The following OXR1 variants were observed in gnomAD, a reference collection of about 807,000 sequenced individuals.
The protein encoded by OXR1 is oxidation resistance protein 1.
Under a neutral mutation model 104.6 loss-of-function variants are expected in OXR1, and 41 were observed. The observed-to-expected ratio is 0.39, with a 90% CI of 0.31 to 0.51. The LOEUF (loss-of-function observed/expected upper bound fraction) is 0.51. Among genes scored for constraint, OXR1 ranks in the 20% least tolerant of loss-of-function variants. The pLI is 0.77. For synonymous variants in OXR1, 348 were observed against 348.4 expected (o/e 1.00, Z 0.01); for missense variants, 955 against 1,031.9 (o/e 0.93, Z 1.02).
At chr8:106,620,983 A>C (rs1284287773) in intron 3 of OXR1, among the ~76,000 whole-genome samples, 1 of 152,218 alleles carries the variant, frequency 6.6e-6, no homozygotes, top group Admixed American at 6.5e-5. Flanking sequence ...TAAATAATTC[A>C]TTCCAAATTA....
At chr8:106,363,786 G>T (rs1053219535) in intron 2 of OXR1, among the ~76,000 whole-genome samples, 1 of 152,086 alleles carries the variant, frequency 6.6e-6, no homozygotes, top group Non-Finnish European at 1.5e-5. Flanking sequence ...TTTCTGCTGT[G>T]GGGAAAATTA....
intron 2 of OXR1, 113 bp from the exon 3 acceptor site, chr8:106,518,829 TG>T: frequency 1.5e-6 from 1 of 647,384 alleles, no homozygotes; most frequent in Non-Finnish European, 2.6e-6. Flanking sequence ...TCTGAATAGA[TG>T]TGGTTCTATC....
rs1033451106 is a variant in OXR1, at chr8:106,464,521, AT to A, written c.24-54413del. Reference sequence around the variant, plus strand: ...TTCATTTCCTGACTTCTATTATGGTATTTTTTTTTCTCTTCCTCCTTGAGTG... The same window carrying A: ...TTCATTTCCTGACTTCTATTATGGTATTTTTTTTCTCTTCCTCCTTGAGTG... On this transcript the variant is annotated intron_variant, in intron 2 of 16. Coordinates refer to ENST00000517566, the MANE Select transcript of OXR1 (RefSeq NM_001198533.2). 4.0e-5 allele frequency among the ~76,000 whole-genome samples: 6 copies of A among 151,522 alleles called. No homozygotes were observed. The South Asian group carries it at 1.3e-3, about 32-fold the overall frequency.
chr8:106,538,577 G>A (rs1357470240), intron 3 of OXR1, among the ~76,000 whole-genome samples: 1 of 151,980 alleles, frequency 6.6e-6, no homozygotes, highest in South Asian at 2.1e-4. Context: ...ATCACATTTT[G>A]TTGTTTTGCA....
At chr8:106,616,486 A>G (rs1821251502) in intron 3 of OXR1, among the ~76,000 whole-genome samples, 1 of 152,096 alleles carries the variant, frequency 6.6e-6, no homozygotes, top group Admixed American at 6.6e-5. Flanking sequence ...GTTTGTATTG[A>G]ATACAAATGT....
At chr8:106,473,339 T>A (rs79417459) in intron 2 of OXR1, among the ~76,000 whole-genome samples, 2,307 of 151,992 alleles carry the variant, frequency 0.015, 25 homozygotes, top group Non-Finnish European at 0.024. Flanking sequence ...TCACACAACA[T>A]CAGCCTTTCT....
At chr8:106,333,772 GAT>G (rs1814837003) in intron 1 of OXR1, among the ~76,000 whole-genome samples, 1 of 152,014 alleles carries the variant, frequency 6.6e-6, no homozygotes, top group African/African-American at 2.4e-5. Flanking sequence ...ATTGACCATG[GAT>G]ATATGAGTTT....
At chr8:106,705,941 G>T (rs980995076) in intron 8 of OXR1, among the ~76,000 whole-genome samples, 4 of 152,126 alleles carry the variant, frequency 2.6e-5, no homozygotes, top group African/African-American at 9.7e-5. Flanking sequence ...CACTGTGTGT[G>T]TGTGTATATC....
At chr8:106,516,109 G>A (rs1812841312) in intron 2 of OXR1, among the ~76,000 whole-genome samples, 1 of 151,866 alleles carries the variant, frequency 6.6e-6, no homozygotes, top group Non-Finnish European at 1.5e-5. Flanking sequence ...CAGCCATTGT[G>A]CCCTCCCTGC....
At chr8:106,702,640 G>GT (rs1177768201) in intron 7 of OXR1, among the ~76,000 whole-genome samples, 1 of 152,098 alleles carries the variant, frequency 6.6e-6, no homozygotes, top group African/African-American at 2.4e-5. Context: ...CTGATATGAG[G>GT]TAACTCAGTA....
chr8:106,573,675 G>A (rs151005074), intron 3 of OXR1, among the ~76,000 whole-genome samples: 8 of 152,188 alleles, frequency 5.3e-5, no homozygotes, highest in Non-Finnish European at 1.0e-4. Context: ...CTCTAAGAAG[G>A]GACTGTAGTG....
chr8:106,646,854 C>T (rs929360627), intron 3 of OXR1, among the ~76,000 whole-genome samples: 1 of 152,170 alleles, frequency 6.6e-6, no homozygotes, highest in African/African-American at 2.4e-5. Context: ...AGCTATTGTT[C>T]CTCAAGGTTT....
intron 3 of OXR1, among the ~76,000 whole-genome samples, chr8:106,673,110 C>T (rs371954341): frequency 1.3e-5 from 2 of 152,144 alleles, no homozygotes; most frequent in East Asian, 3.9e-4. Context: ...GTTTGGAGGG[C>T]TCAGAAGAAG....
intron 2 of OXR1, among the ~76,000 whole-genome samples, chr8:106,487,425 T>G (rs1563555051): frequency 6.7e-6 from 1 of 148,858 alleles, no homozygotes; most frequent in Admixed American, 6.7e-5. Flanking sequence ...ATGTGATATT[T>G]TGTTTTTTTT....
chr8:106,698,327 A>G (rs1037468084), intron 7 of OXR1, among the ~76,000 whole-genome samples: 1 of 152,042 alleles, frequency 6.6e-6, no homozygotes, highest in Non-Finnish European at 1.5e-5. Flanking sequence ...AAGATGTTCT[A>G]TTTATCACTG....
chr8:106,409,253 TGTG>T (rs1206264385), intron 2 of OXR1, among the ~76,000 whole-genome samples: 3 of 151,990 alleles, frequency 2.0e-5, no homozygotes, highest in Non-Finnish European at 4.4e-5. Context: ...TATTCTGTGG[TGTG>T]GTGTTTGTGG....
chr8:106,739,359 T>C (rs1460974651), intron 12 of OXR1, 99 bp from the exon 13 acceptor site: 1 of 1,089,466 alleles, frequency 9.2e-7, no homozygotes, highest in South Asian at 1.5e-5. Context: ...TTTAGCCACA[T>C]TTTCTACGAT....
At chr8:106,437,853 A>T (rs980261230) in intron 2 of OXR1, among the ~76,000 whole-genome samples, 1 of 152,170 alleles carries the variant, frequency 6.6e-6, no homozygotes, top group Non-Finnish European at 1.5e-5. Context: ...AAGCTGCAAG[A>T]TGCCTCCTCC....
chr8:106,663,304 G>A (rs112882378), intron 3 of OXR1, among the ~76,000 whole-genome samples: 18 of 152,290 alleles, frequency 1.2e-4, no homozygotes, highest in African/African-American at 2.9e-4. Flanking sequence ...ATTTGCAAGA[G>A]TTACAGTCCT....
Sources: gnomAD v4.1 joint callset for allele counts (sites outside exome capture counted in the v4.1 genomes callset) on GRCh38, gnomAD v4.1.1 for gene constraint, MANE v1.5 for transcripts, NCBI Gene and HGNC (gene_info 2026-07-23, HGNC 2026-07-21) for gene names.